NTRK2: variants seen among roughly 807,000 people sequenced by gnomAD.
NTRK2 encodes BDNF/NT-3 growth factors receptor.
In NTRK2, 13 loss-of-function variants were observed where a neutral mutation model predicts 94.5. The ratio of observed to expected loss-of-function variants is 0.14; its 90% CI spans 0.09 to 0.22. NTRK2 has a LOEUF of 0.22. Ranked by LOEUF, NTRK2 falls within the 10% of genes least tolerant of loss-of-function variation. NTRK2 has a pLI of 1.00. For synonymous variants in NTRK2, 372 were observed against 407.4 expected (o/e 0.91, Z 1.05); for missense variants, 639 against 1,071.2 (o/e 0.60, Z 5.63).
intron 12 of NTRK2, among the ~76,000 whole-genome samples, chr9:84,776,409 A>C (rs1411762159): frequency 6.6e-6 from 1 of 152,092 alleles, no homozygotes; most frequent in Non-Finnish European, 1.5e-5. Flanking sequence ...TTTAGTAGAG[A>C]TGGAGTTTCA....
chr9:84,775,910 G>C (rs2066985211), intron 12 of NTRK2, among the ~76,000 whole-genome samples: 2 of 152,250 alleles, frequency 1.3e-5, no homozygotes, highest in African/African-American at 4.8e-5. Flanking sequence ...TAAAATTTGA[G>C]AAGCCCTGAT....
At chr9:85,001,317 G>T (rs1280588212) in intron 17 of NTRK2, among the ~76,000 whole-genome samples, 1 of 152,144 alleles carries the variant, frequency 6.6e-6, no homozygotes, top group Non-Finnish European at 1.5e-5. Flanking sequence ...AGACAAAAAG[G>T]CTAAAAGTAG....
At chr9:84,743,149 C>T (rs530369801) in intron 10 of NTRK2, among the ~76,000 whole-genome samples, 12 of 152,132 alleles carry the variant, frequency 7.9e-5, no homozygotes, top group African/African-American at 2.7e-4. Context: ...CTGTTTTGAT[C>T]GAATGCCAAG....
intron 17 of NTRK2, among the ~76,000 whole-genome samples, chr9:84,979,485 C>T (rs4615661): frequency 1.3e-5 from 2 of 151,990 alleles, no homozygotes; most frequent in African/African-American, 2.4e-5. Context: ...ATATGAGGAG[C>T]TGCTTCTCAT....
chr9:84,894,550 C>G (rs890482174), intron 14 of NTRK2, among the ~76,000 whole-genome samples: 1 of 152,146 alleles, frequency 6.6e-6, no homozygotes, highest in African/African-American at 2.4e-5. Flanking sequence ...AATATTCTAT[C>G]TAAACTTCAT....
chr9:84,791,849 C>CT (rs145342977), intron 12 of NTRK2, among the ~76,000 whole-genome samples: 3 of 151,834 alleles, frequency 2.0e-5, no homozygotes, highest in Admixed American at 6.6e-5. Flanking sequence ...AATGTCTAGA[C>CT]TTTTTTTTAA....
At chr9:84,931,121 A>C (rs972716591) in intron 14 of NTRK2, among the ~76,000 whole-genome samples, 4 of 152,146 alleles carry the variant, frequency 2.6e-5, no homozygotes, top group Admixed American at 2.6e-4. Flanking sequence ...AAAAAGAGAA[A>C]TTTGGCCAGG....
chr9:84,798,912 CTATATATATATATA>C (rs57167822), intron 12 of NTRK2, among the ~76,000 whole-genome samples: 25 of 128,040 alleles, frequency 2.0e-4, no homozygotes, highest in African/African-American at 4.4e-4. Context: ...CTTCTAAGTG[CTATATATATATATA>C]TATATATATA....
rs539070667 is a variant in NTRK2 at position 85,024,017 on chromosome 9, A to G, written c.*2580A>G. ...TTTCTCTGAAAGAAAAAAGCAAAAAATAAAATAAAATTCCACTTATACCTT... is the reference window on the plus strand; with the variant it reads ...TTTCTCTGAAAGAAAAAAGCAAAAAGTAAAATAAAATTCCACTTATACCTT... On this transcript the variant is annotated 3_prime_UTR_variant, in exon 19 of 19. Coordinates refer to ENST00000277120, the MANE Select transcript of NTRK2 (RefSeq NM_006180.6). 4.4e-6 allele frequency: 1 copy of G among 228,788 alleles called. No individual in the cohort carries two copies. Among genetic ancestry groups the G allele is most frequent in the South Asian group, 1.8e-4 (1 of 5,484 alleles). The allele number at this position is 228,788 out of a possible 1,614,324, so 14.2% of individuals were successfully genotyped here.
intron 12 of NTRK2, among the ~76,000 whole-genome samples, chr9:84,856,449 G>A (rs145380707): frequency 1.1e-3 from 165 of 152,316 alleles, no homozygotes; most frequent in African/African-American, 3.6e-3. Context: ...AGGAAAGGGA[G>A]ATGATGATAC....
chr9:84,673,300 A>G (rs574414465), intron 2 of NTRK2, among the ~76,000 whole-genome samples: 1 of 152,226 alleles, frequency 6.6e-6, no homozygotes, highest in African/African-American at 2.4e-5. Context: ...GACACCATCT[A>G]TGTTCTTTTT....
intron 14 of NTRK2, chr9:84,877,301 G>A: frequency 1.4e-5 from 15 of 1,066,046 alleles, no homozygotes; most frequent in Non-Finnish European, 1.7e-5. Flanking sequence ...GCCTCCACTT[G>A]TCTCAGTATG....
chr9:84,816,494 T>C (rs1409373399), intron 12 of NTRK2, among the ~76,000 whole-genome samples: 1 of 151,674 alleles, frequency 6.6e-6, no homozygotes, highest in African/African-American at 2.4e-5. Context: ...AAAAGCCCAG[T>C]GTTGGGCTGG....
At chr9:84,902,709 C>T (rs1410738621) in intron 14 of NTRK2, among the ~76,000 whole-genome samples, 1 of 152,156 alleles carries the variant, frequency 6.6e-6, no homozygotes, top group African/African-American at 2.4e-5. Context: ...GTGTAGGAAT[C>T]CTGGCCCTTC....
intron 17 of NTRK2, among the ~76,000 whole-genome samples, chr9:84,973,756 T>C (rs1826467582): frequency 6.6e-6 from 1 of 152,216 alleles, no homozygotes; most frequent in African/African-American, 2.4e-5. Context: ...TCAGATGATT[T>C]CTAAAGTCCT....
intron 17 of NTRK2, among the ~76,000 whole-genome samples, chr9:84,960,359 A>T (rs1824757367): frequency 6.6e-6 from 1 of 152,234 alleles, no homozygotes; most frequent in Admixed American, 6.5e-5. Context: ...ATGAACTGGA[A>T]AATATAGTCC....
At chr9:84,869,309 C>T (rs1178827664) in intron 14 of NTRK2, among the ~76,000 whole-genome samples, 1 of 152,176 alleles carries the variant, frequency 6.6e-6, no homozygotes. Context: ...TTGGTCACTC[C>T]TTCTGTATAA....
chr9:84,996,353 G>A (rs1437494177), intron 17 of NTRK2, among the ~76,000 whole-genome samples: 4 of 152,216 alleles, frequency 2.6e-5, no homozygotes, highest in Admixed American at 6.5e-5. Flanking sequence ...AAACTTTAAG[G>A]CATTTCATCA....
chr9:84,794,458 T>C (rs2069067309), intron 12 of NTRK2, among the ~76,000 whole-genome samples: 1 of 152,226 alleles, frequency 6.6e-6, no homozygotes. Flanking sequence ...CCCAGTGTAA[T>C]GCAATACTCT....
Sources: gnomAD v4.1 joint callset for allele counts (sites outside exome capture counted in the v4.1 genomes callset) on GRCh38, gnomAD v4.1.1 for gene constraint, MANE v1.5 for transcripts, NCBI Gene and HGNC (gene_info 2026-07-23, HGNC 2026-07-21) for gene names.